SIPA1L3: variants seen among roughly 807,000 people sequenced by gnomAD.
SIPA1L3 encodes the protein signal-induced proliferation-associated 1-like protein 3.
SIPA1L3 carries 59 observed loss-of-function variants against 150.1 expected under a neutral mutation model. That is an observed-to-expected ratio of 0.39 (90% CI 0.32 to 0.49). The LOEUF (loss-of-function observed/expected upper bound fraction) is 0.49. SIPA1L3 is among the 20% of genes least tolerant of loss of function. The probability of loss-of-function intolerance (pLI) is 0.86; values close to 1 mark genes in which losing one functional copy is unlikely to be tolerated. For synonymous variants in SIPA1L3, 1,070 were observed against 1,077.6 expected, an observed-to-expected ratio of 0.99 and a Z score of 0.14; for missense variants, 2,211 against 2,489.5, an observed-to-expected ratio of 0.89 and a Z score of 2.38.
chr19:37,933,359 CCT>C (rs1442061289), intron 1 of SIPA1L3, among the ~76,000 whole-genome samples: 1 of 152,118 alleles, frequency 6.6e-6, no homozygotes, highest in African/African-American at 2.4e-5. Context: ...CTCCATGAGG[CCT>C]CTCTCCTTAT....
intron 1 of SIPA1L3, among the ~76,000 whole-genome samples, chr19:37,938,610 TTTTTTTC>T (rs1394982937): frequency 5.6e-4 from 85 of 151,600 alleles, no homozygotes; most frequent in African/African-American, 1.7e-3. Flanking sequence ...CTTCTTTTTC[TTTTTTTC>T]TTTTTTCTTT....
intron 1 of SIPA1L3, among the ~76,000 whole-genome samples, chr19:37,976,158 T>TGGGGGCCAGGGATGCTG (rs1212573913): frequency 6.8e-6 from 1 of 147,926 alleles, no homozygotes; most frequent in East Asian, 2.0e-4. Context: ...CAATGAGTGG[T>TGGGGGCCAGGGATGCTG]GGGGGCCAGG....
At chr19:38,013,899 C>A (rs575426755) in intron 1 of SIPA1L3, among the ~76,000 whole-genome samples, 1 of 152,150 alleles carries the variant, frequency 6.6e-6, no homozygotes, top group African/African-American at 2.4e-5. Flanking sequence ...GGCATTTCTG[C>A]GATGTATTTA....
chr19:38,029,352 T>C (rs1457812076), intron 2 of SIPA1L3, among the ~76,000 whole-genome samples, 196 bp downstream of exon 2: 3 of 152,162 alleles, frequency 2.0e-5, no homozygotes. Flanking sequence ...CCAGACCTTT[T>C]CCCATACACA....
chr19:38,025,825 A>G (rs1968496373), intron 1 of SIPA1L3, among the ~76,000 whole-genome samples: 2 of 152,184 alleles, frequency 1.3e-5, no homozygotes, highest in South Asian at 4.1e-4. Flanking sequence ...GAAAACCACC[A>G]TTGTGAGGGC....
chr19:38,090,423 G>A (rs1970234406), intron 4 of SIPA1L3, among the ~76,000 whole-genome samples: 1 of 151,998 alleles, frequency 6.6e-6, no homozygotes, highest in Non-Finnish European at 1.5e-5. Context: ...GCCAGTCGCT[G>A]TGATCAGGGG....
rs528558164 is a variant in SIPA1L3 at position 38,111,765 on chromosome 19, G to A, written c.2291+1381G>A. Among the ~76,000 whole-genome samples, 6 of 152,328 alleles carry A rather than the reference G, an allele frequency of 3.9e-5. No individual in the cohort carries two copies. In the South Asian group the frequency reaches 1.2e-3, roughly 32 times the overall value. On this transcript the variant is annotated intron_variant, in intron 8 of 21. Coordinates refer to ENST00000222345, the MANE Select transcript of SIPA1L3 (RefSeq NM_015073.3). ...TGGACCTGAGGCCACCTCTCCCCCT[G>A]CCCATCGGTTCCTGGAACATGCAGC...
At chr19:38,106,664 C>T (rs376809790) in intron 7 of SIPA1L3, 24 bp downstream of exon 7, 75 of 1,537,646 alleles carry the variant, frequency 4.9e-5, no homozygotes, top group African/African-American at 1.2e-4. Flanking sequence ...AGCAGAGGCA[C>T]GGCTGCCGGA....
At position 38,130,533 on chromosome 19, in the gene SIPA1L3, G is replaced by C. The variant is rs201192663; in HGVS notation, c.2904G>C (p.Thr968=). The change falls in exon 10 of 22, where the codon ACG becomes ACC. Residue 968 remains threonine, a synonymous_variant. Coordinates refer to ENST00000222345, the MANE Select transcript of SIPA1L3 (RefSeq NM_015073.3). The stretch of plus-strand genomic sequence containing the variant: ...GTGGCTGGGAGACGGTGGACATGAC[G>C]CTTCGGCGGAACGGGCTCGGGCAGC... ...MTSGWETVDM[T]LRRNGLGQLG... is the part of the protein sequence containing the mutation. 1 of 1,613,240 alleles carries C rather than the reference G, an allele frequency of 6.2e-7. No individual in the cohort carries two copies. Among genetic ancestry groups the C allele is most frequent in the East Asian group, 2.2e-5 (1 of 44,880 alleles).
intron 8 of SIPA1L3, among the ~76,000 whole-genome samples, chr19:38,111,005 G>A (rs2145877389): frequency 6.7e-6 from 1 of 148,898 alleles, no homozygotes; most frequent in South Asian, 2.1e-4. Context: ...TAGAATTGAG[G>A]AGGTTTTTGT....
chr19:38,002,472 C>T (rs1354425114), intron 1 of SIPA1L3, among the ~76,000 whole-genome samples: 2 of 151,984 alleles, frequency 1.3e-5, no homozygotes, highest in African/African-American at 4.8e-5. Flanking sequence ...CGGTGGCTCA[C>T]ACCTGTAATC....
intron 1 of SIPA1L3, among the ~76,000 whole-genome samples, chr19:37,931,047 C>T (rs780329237): frequency 6.6e-6 from 1 of 152,112 alleles, no homozygotes; most frequent in South Asian, 2.1e-4. Flanking sequence ...ATGGTAAGAG[C>T]CTTTCTTAAT....
At chr19:37,995,483 C>T (rs73036678) in intron 1 of SIPA1L3, among the ~76,000 whole-genome samples, 2,194 of 152,224 alleles carry the variant, frequency 0.014, 35 homozygotes, top group Non-Finnish European at 0.023. Context: ...GACACCCAGC[C>T]GGCCATAATG....
intron 2 of SIPA1L3, among the ~76,000 whole-genome samples, chr19:38,038,126 G>A (rs1375043923): frequency 2.0e-5 from 3 of 152,146 alleles, no homozygotes; most frequent in Admixed American, 2.0e-4. Flanking sequence ...GTCTAGGCTG[G>A]AGATGCCAGA....
intron 1 of SIPA1L3, among the ~76,000 whole-genome samples, chr19:37,919,155 T>C (rs1599792262): frequency 6.6e-6 from 1 of 152,052 alleles, no homozygotes; most frequent in South Asian, 2.1e-4. Context: ...TTTTTGGAGG[T>C]GTCAGGTGCA....
intron 1 of SIPA1L3, among the ~76,000 whole-genome samples, chr19:37,951,503 C>T (rs375823543): frequency 6.6e-6 from 1 of 152,104 alleles, no homozygotes. Flanking sequence ...TTTCATCTTC[C>T]TCTTTACAGA....
At chr19:37,979,309 G>A (rs867707717) in intron 1 of SIPA1L3, among the ~76,000 whole-genome samples, 1 of 152,120 alleles carries the variant, frequency 6.6e-6, no homozygotes, top group Middle Eastern at 3.2e-3. Context: ...AGCACTTTGG[G>A]AGGCCGAGGC....
At chr19:38,196,680 G>A (rs546032027) in intron 18 of SIPA1L3, among the ~76,000 whole-genome samples, 102 of 144,348 alleles carry the variant, frequency 7.1e-4, no homozygotes, top group African/African-American at 2.4e-3. Flanking sequence ...AGGGTGGAGC[G>A]TGGAGGTCAA....
rs536532903 is a variant in SIPA1L3, at chr19:38,019,704, G to A, written c.-378-9385G>A. Among the ~76,000 whole-genome samples the A allele has an allele frequency of 2.0e-5, 3 of 152,288 alleles. No homozygotes were observed. The South Asian group carries it at 6.2e-4, about 32-fold the overall frequency. ...ACCAGAATCAGAGCACGGACTTTCTGTGTGTGTCTGGTTGACCAGAGGGTG... is the reference window on the plus strand; with the variant it reads ...ACCAGAATCAGAGCACGGACTTTCTATGTGTGTCTGGTTGACCAGAGGGTG... On this transcript the variant is annotated intron_variant, in intron 1 of 21. Coordinates refer to ENST00000222345, the MANE Select transcript of SIPA1L3 (RefSeq NM_015073.3).
Sources: allele counts gnomAD v4.1 joint callset (sites outside exome capture counted in the v4.1 genomes callset), GRCh38; gene constraint gnomAD v4.1.1; transcripts MANE v1.5; gene names NCBI Gene and HGNC (gene_info 2026-07-23, HGNC 2026-07-21).